The following ABLIM3 variants were observed in gnomAD, a reference collection of about 807,000 sequenced individuals.
ABLIM3 encodes actin binding LIM protein family member 3.
A neutral mutation model predicts 109.5 loss-of-function variants in ABLIM3; 61 were observed. That is an observed-to-expected ratio of 0.56 (90% CI 0.45 to 0.69). The LOEUF (loss-of-function observed/expected upper bound fraction) is 0.69, where lower values mean the gene tolerates loss of function less well. Ranked by LOEUF, ABLIM3 falls within the 30% of genes least tolerant of loss-of-function variation. The pLI is 0.00. For missense variants in ABLIM3, 796 were observed against 889.5 expected (o/e 0.89, Z 1.34); for synonymous variants, 300 against 324.8 (o/e 0.92, Z 0.82).
At chr5:149,194,051 C>T (rs1365947050) in intron 3 of ABLIM3, among the ~76,000 whole-genome samples, 1 of 152,050 alleles carries the variant, frequency 6.6e-6, no homozygotes, top group Non-Finnish European at 1.5e-5. Flanking sequence ...ACAGAAAGGG[C>T]AATCCATAAA....
chr5:149,156,706 G>A (rs1038887483), intron 2 of ABLIM3, among the ~76,000 whole-genome samples: 1 of 152,202 alleles, frequency 6.6e-6, no homozygotes, highest in East Asian at 1.9e-4. Context: ...GAATGTTGGA[G>A]AGGGCAATTC....
chr5:149,233,289 C>A lies in ABLIM3; in HGVS notation c.877C>A (p.Arg293=). The change falls in exon 10 of 24, where the codon CGA becomes AGA. Residue 293 remains arginine, a synonymous_variant. Coordinates refer to ENST00000309868, the MANE Select transcript of ABLIM3 (RefSeq NM_014945.5). ...TGGATCCAGCATTGGGTCACCCAAC[C>A]GAGTCATCTGCGTATGTATCACTTT... The part of the protein sequence containing the change: ...PPGSSIGSPN[R]VICAKVDNEI... 1 of 1,614,126 alleles carries A rather than the reference C, an allele frequency of 6.2e-7. No individual in the cohort carries two copies. The highest frequency in any genetic ancestry group is 8.5e-7 in the Non-Finnish European group (1 of 1,179,990).
In ABLIM3 at chr5:149,259,098, C is replaced by G; in HGVS notation, c.*694C>G. 9.9e-7 allele frequency: 1 copy of G among 1,012,130 alleles called. No individual in the cohort carries two copies. The highest frequency in any genetic ancestry group is 1.2e-6 in the Non-Finnish European group (1 of 846,172). The allele number at this position is 1,012,130 out of a possible 1,614,324, so 62.7% of individuals were successfully genotyped here. A position where few individuals can be genotyped will look rare whatever the true frequency, so the allele number is the denominator to read the frequency against. The stretch of plus-strand genomic sequence containing the variant: ...AGGAAAAGGAAAAGGCCCTTCCCTT[C>G]CCTCCACCACTTCCAACTGGCCCCT... On this transcript the variant is annotated 3_prime_UTR_variant, in exon 24 of 24. Transcript: ENST00000309868.
In ABLIM3 at chr5:149,200,315, G is replaced by C; in HGVS notation, c.336-1G>C. ...GAATTTCTCCCTCATCCCACTTGCA[G>C]GAAGCCTTTCCCCATTGGAGACAAG... On this transcript the variant is annotated splice_acceptor_variant, in intron 4 of 23. Transcript: ENST00000309868. LOFTEE classifies it high-confidence loss of function. 1 of 1,614,088 alleles carries C rather than the reference G, an allele frequency of 6.2e-7. No individual in the cohort carries two copies. Among genetic ancestry groups the C allele is most frequent in the Non-Finnish European group, 8.5e-7 (1 of 1,179,940 alleles).
intron 7 of ABLIM3, among the ~76,000 whole-genome samples, chr5:149,215,997 T>G (rs553790786): frequency 6.6e-6 from 1 of 152,286 alleles, no homozygotes; most frequent in South Asian, 2.1e-4. Context: ...GCAAATTATT[T>G]TCATTTTTAA....
rs140589099 is a variant in ABLIM3 at position 149,152,594 on chromosome 5, G to C, written c.13+10486G>C. On this transcript the variant is annotated intron_variant, in intron 2 of 23. Transcript: ENST00000309868. ...TGTTTTCAGAGAACCTAGTAAAAGA[G>C]AGTAGGACACAGAACAAAGGAGGGC... Among the ~76,000 whole-genome samples the C allele has an allele frequency of 4.2e-3, 635 of 152,268 alleles. 4 individuals carry two copies. The highest frequency in any genetic ancestry group is 0.015 in the African/African-American group (614 of 41,544).
chr5:149,173,886 G>A (rs111249804), intron 2 of ABLIM3, among the ~76,000 whole-genome samples: 7 of 151,772 alleles, frequency 4.6e-5, no homozygotes, highest in African/African-American at 1.7e-4. Context: ...GCCGGACGTC[G>A]TGGCGGGTGC....
At chr5:149,251,754 C>T (rs759392871) in intron 21 of ABLIM3, among the ~76,000 whole-genome samples, 3 of 152,204 alleles carry the variant, frequency 2.0e-5, no homozygotes, top group Non-Finnish European at 4.4e-5. Context: ...GCCAATTGCA[C>T]ACTGTTCCCA....
chr5:149,242,581 G>A (rs756652745), intron 15 of ABLIM3, 43 bp downstream of exon 15: 4 of 1,608,876 alleles, frequency 2.5e-6, no homozygotes, highest in Admixed American at 1.7e-5. Flanking sequence ...CAAGGAGAGG[G>A]GGGAGGTTAA....
At chr5:149,242,956 C>T (rs980240367) in intron 15 of ABLIM3, among the ~76,000 whole-genome samples, 16 of 152,206 alleles carry the variant, frequency 1.1e-4, no homozygotes, top group South Asian at 2.1e-4. Flanking sequence ...GTATGTGTCA[C>T]GGTTTCTCCA....
chr5:149,153,054 A>G (rs902386605), intron 2 of ABLIM3, among the ~76,000 whole-genome samples: 17 of 151,842 alleles, frequency 1.1e-4, no homozygotes, highest in Non-Finnish European at 2.5e-4. Flanking sequence ...TGAAAAGCCC[A>G]CTCTCTCTAA....
At chr5:149,200,940 C>T (rs1758429999) in intron 5 of ABLIM3, among the ~76,000 whole-genome samples, 1 of 152,196 alleles carries the variant, frequency 6.6e-6, no homozygotes, top group East Asian at 1.9e-4. Context: ...TGGGCTCACC[C>T]TGCACCTCTA....
Position 149,159,297 on chromosome 5 carries a change from C to G in ABLIM3, c.13+17189C>G, listed in dbSNP as rs1754116975. Reference sequence around the variant, plus strand: ...ATAAATGAGGGCATACTGTATGATTCCATTTATATGGAATTCAAGAAGGCA... The same window carrying G: ...ATAAATGAGGGCATACTGTATGATTGCATTTATATGGAATTCAAGAAGGCA... On this transcript the variant is annotated intron_variant, in intron 2 of 23. Transcript: ENST00000309868. 2.6e-5 allele frequency among the ~76,000 whole-genome samples: 4 copies of G among 152,062 alleles called. No homozygotes were observed. In the South Asian group the frequency reaches 8.3e-4, roughly 32 times the overall value.
At chr5:149,216,833 C>T in intron 7 of ABLIM3, 126 bp from the exon 8 acceptor site, 2 of 838,550 alleles carry the variant, frequency 2.4e-6, no homozygotes, top group Non-Finnish European at 3.8e-6. Context: ...TGGGTAGCTC[C>T]AACCAACTTT....
Position 149,187,565 on chromosome 5 carries a change from A to C in ABLIM3, c.151+3976A>C, listed in dbSNP as rs1757080487. 2.0e-5 allele frequency among the ~76,000 whole-genome samples: 3 copies of C among 152,276 alleles called. No individual in the cohort carries two copies. The South Asian group carries it at 6.2e-4, about 31-fold the overall frequency. ...AGACCGAATGTTTCTGTTAGATATG[A>C]GTTCTAAATTTCTTTTCAAAGAATT... is the stretch of plus-strand genomic sequence containing the variant. On this transcript the variant is annotated intron_variant, in intron 3 of 23. Coordinates refer to ENST00000309868, the MANE Select transcript of ABLIM3 (RefSeq NM_014945.5).
chr5:149,144,744 G>C (rs1752767750), intron 2 of ABLIM3, among the ~76,000 whole-genome samples: 2 of 152,138 alleles, frequency 1.3e-5, no homozygotes, highest in Non-Finnish European at 2.9e-5. Flanking sequence ...TTAATTGTTG[G>C]GTTATGAAAG....
chr5:149,191,093 A>G (rs1757434301), intron 3 of ABLIM3, among the ~76,000 whole-genome samples: 1 of 152,168 alleles, frequency 6.6e-6, no homozygotes, highest in African/African-American at 2.4e-5. Flanking sequence ...GAAATAATAC[A>G]ATAGACATTA....
chr5:149,172,648 C>G (rs1475345522), intron 2 of ABLIM3, among the ~76,000 whole-genome samples: 1 of 152,218 alleles, frequency 6.6e-6, no homozygotes, highest in East Asian at 1.9e-4. Flanking sequence ...ATCCAGCCCC[C>G]ACAGATAGGC....
In ABLIM3 at chr5:149,198,215, C is replaced by T; in HGVS notation, c.152-4C>T. ...TGCCCTTGTTTTCCTCCTTGTTCCCCAAGTATGTGGCTGTGGCCTGGCCCA... is the reference window on the plus strand; with the variant it reads ...TGCCCTTGTTTTCCTCCTTGTTCCCTAAGTATGTGGCTGTGGCCTGGCCCA... On this transcript the variant is annotated splice_polypyrimidine_tract_variant and splice_region_variant and intron_variant, in intron 3 of 23. Transcript: ENST00000309868. This position sits in a 1 kb window ranked among gnomAD's most constrained non-coding sequence, Gnocchi z 4.2. The T allele has an allele frequency of 1.9e-6, 3 of 1,608,112 alleles. No individual in the cohort carries two copies. The highest frequency in any genetic ancestry group is 2.5e-6 in the Non-Finnish European group (3 of 1,177,220).
Sources: gnomAD v4.1 joint callset for allele counts (sites outside exome capture counted in the v4.1 genomes callset) on GRCh38, gnomAD v4.1.1 for gene constraint, Gnocchi (gnomAD v3.1) non-coding constraint, MANE v1.5 for transcripts, NCBI Gene and HGNC (gene_info 2026-07-23, HGNC 2026-07-21) for gene names.